Variants in IFT81 observed in about 807,000 individuals in gnomAD.
The protein encoded by IFT81 is intraflagellar transport 81.
IFT81 carries 72 observed loss-of-function variants against 102.6 expected under a neutral mutation model. The ratio of observed to expected loss-of-function variants is 0.70; its 90% confidence interval spans 0.58 to 0.85. The LOEUF (loss-of-function observed/expected upper bound fraction) is 0.85. Ranked by LOEUF, IFT81 falls within the 40% of genes least tolerant of loss-of-function variation. IFT81 has a pLI of 0.00. For synonymous variants in IFT81, 237 were observed against 242.7 expected (o/e 0.98, Z 0.22); for missense variants, 723 against 787.3 (o/e 0.92, Z 0.98).
intron 14 of IFT81, among the ~76,000 whole-genome samples, chr12:110,199,068 C>T (rs1371847502): frequency 1.3e-5 from 2 of 152,120 alleles, no homozygotes; most frequent in African/African-American, 2.4e-5. Flanking sequence ...CTCCGCCTCC[C>T]GAAGTGCTGG....
intron 10 of IFT81, among the ~76,000 whole-genome samples, chr12:110,162,058 G>C (rs1046091043): frequency 6.6e-6 from 1 of 152,094 alleles, no homozygotes; most frequent in Non-Finnish European, 1.5e-5. Flanking sequence ...GCCTAATTCT[G>C]GTGAGTCAGA....
chr12:110,141,820 G>A (rs1489030283), intron 8 of IFT81, among the ~76,000 whole-genome samples: 3 of 152,102 alleles, frequency 2.0e-5, no homozygotes, highest in African/African-American at 4.8e-5. Context: ...GCAGACAGAG[G>A]ATGCAGTGAA....
chr12:110,204,850 T>G (rs1868414687), intron 15 of IFT81: 1 of 152,500 alleles, frequency 6.6e-6, no homozygotes, highest in Non-Finnish European at 1.5e-5. Context: ...TGTTGGTTTC[T>G]TCTACTTCAG....
intron 11 of IFT81, chr12:110,169,068 CCTT>C (rs1896605852): frequency 6.8e-6 from 1 of 147,048 alleles, no homozygotes; most frequent in Non-Finnish European, 1.5e-5. Context: ...TTCCTTCCTT[CCTT>C]CCTTCCTTCC....
intron 14 of IFT81, among the ~76,000 whole-genome samples, chr12:110,199,547 CA>C (rs1898166105): frequency 6.6e-6 from 1 of 151,858 alleles, no homozygotes; most frequent in Non-Finnish European, 1.5e-5. Context: ...GATTTGCGAC[CA>C]AAAAAAGGAT....
At chr12:110,163,638 C>T (rs1160665752) in intron 11 of IFT81, among the ~76,000 whole-genome samples, 5 of 126,906 alleles carry the variant, frequency 3.9e-5, no homozygotes, top group African/African-American at 1.5e-4. Context: ...TTTTTTGAGA[C>T]GGAGTCTCGC....
chr12:110,138,774 T>C (rs1176747356), intron 8 of IFT81, among the ~76,000 whole-genome samples: 1 of 152,206 alleles, frequency 6.6e-6, no homozygotes, highest in African/African-American at 2.4e-5. Context: ...GTGAGATTTA[T>C]TACATAAAAG....
At chr12:110,175,676 A>C (rs1381435209) in intron 11 of IFT81, among the ~76,000 whole-genome samples, 1 of 152,158 alleles carries the variant, frequency 6.6e-6, no homozygotes, top group Non-Finnish European at 1.5e-5. Flanking sequence ...TAGACAAGCC[A>C]AGTTGTTTTC....
intron 10 of IFT81, among the ~76,000 whole-genome samples, chr12:110,153,263 T>G (rs1292016253): frequency 6.6e-6 from 1 of 152,250 alleles, no homozygotes; most frequent in Non-Finnish European, 1.5e-5. Context: ...AGACGAAGTT[T>G]CGCTCTTGTT....
chr12:110,176,742 A>G (rs1032118798), intron 11 of IFT81, among the ~76,000 whole-genome samples: 3 of 152,254 alleles, frequency 2.0e-5, no homozygotes, highest in Non-Finnish European at 4.4e-5. Context: ...GATTGATCTG[A>G]CCCAGACTAC....
At chr12:110,145,010 C>T (rs936295675) in intron 9 of IFT81, among the ~76,000 whole-genome samples, 3 of 149,002 alleles carry the variant, frequency 2.0e-5, no homozygotes, top group South Asian at 4.3e-4. Context: ...GGATTACAGG[C>T]GCACACCACT....
chr12:110,162,948 C>T lies in IFT81; in HGVS notation c.1071C>T (p.Ala357=), dbSNP rs772962584. 1.9e-6 allele frequency: 3 copies of T among 1,613,350 alleles called. No individual in the cohort carries two copies. The highest frequency in any genetic ancestry group is 3.3e-5 in the Admixed American group (2 of 59,860). ...QASIISRKKE[A]KAEELQEAKE... Reference sequence around the variant, plus strand: ...CTATCATTTCCCGTAAAAAAGAAGCCAAAGCTGAGGAACTTCAGGAGGCCA... The same window carrying T: ...CTATCATTTCCCGTAAAAAAGAAGCTAAAGCTGAGGAACTTCAGGAGGCCA... The change falls in exon 11 of 19, where the codon GCC becomes GCT. Residue 357 remains alanine (A), a synonymous_variant. Coordinates refer to ENST00000242591, the MANE Select transcript of IFT81 (RefSeq NM_014055.4).
rs1894030411 is a variant in IFT81, at chr12:110,129,255, G to GT, written c.429+126dup. On this transcript the variant is annotated intron_variant, in intron 4 of 18. Coordinates refer to ENST00000242591, the MANE Select transcript of IFT81 (RefSeq NM_014055.4). ...CCAAGTGGCACAAGAAGATAAAACT[G>GT]TATCAGCTAATGTTCAACTATGGCC... is the stretch of plus-strand genomic sequence containing the variant. 9.1e-6 allele frequency: 6 copies of GT among 659,346 alleles called. No homozygotes were observed. In the East Asian group the frequency reaches 2.0e-4, roughly 21 times the overall value. 40.8% of individuals were successfully genotyped at this position (659,346 alleles called of 1,614,324 possible).
At chr12:110,207,121 C>A (rs111293256) in intron 17 of IFT81, among the ~76,000 whole-genome samples, 212 of 152,202 alleles carry the variant, frequency 1.4e-3, no homozygotes, top group African/African-American at 4.9e-3. Flanking sequence ...TCTCCGCCTC[C>A]CAGGTTCAAA....
intron 10 of IFT81, 115 bp downstream of exon 10, chr12:110,147,163 T>C: frequency 1.4e-6 from 1 of 703,316 alleles, no homozygotes; most frequent in Non-Finnish European, 2.2e-6. Context: ...TGTTGTTCTG[T>C]CACTGCTAAT....
chr12:110,141,743 C>T (rs1178111200), intron 8 of IFT81, among the ~76,000 whole-genome samples: 1 of 152,070 alleles, frequency 6.6e-6, no homozygotes, highest in Admixed American at 6.6e-5. Context: ...ATTAGCCGAG[C>T]TGGTAGTGTG....
intron 8 of IFT81, among the ~76,000 whole-genome samples, chr12:110,141,020 C>T (rs906924019): frequency 2.0e-5 from 3 of 147,028 alleles, no homozygotes; most frequent in African/African-American, 7.6e-5. Flanking sequence ...AGCCACCACG[C>T]CTGGCCTATT....
At chr12:110,144,331 C>T (rs1033130668) in intron 9 of IFT81, among the ~76,000 whole-genome samples, 8 of 152,094 alleles carry the variant, frequency 5.3e-5, no homozygotes, top group African/African-American at 1.9e-4. Context: ...ATTCTCCTGC[C>T]TCAGCCTCCT....
intron 15 of IFT81, 185 bp downstream of exon 15, chr12:110,204,135 A>C (rs1425053266): frequency 9.9e-6 from 5 of 506,464 alleles, no homozygotes; most frequent in Non-Finnish European, 1.8e-5. Context: ...CTCTCTAAAA[A>C]AAATGTTTTA....
Sources: allele counts gnomAD v4.1 joint callset (sites outside exome capture counted in the v4.1 genomes callset), GRCh38; gene constraint gnomAD v4.1.1; transcripts MANE v1.5; gene names NCBI Gene and HGNC (gene_info 2026-07-23, HGNC 2026-07-21).